The following CNTNAP2 variants were observed in gnomAD, a reference collection of about 807,000 sequenced individuals.
CNTNAP2 encodes contactin-associated protein-like 2.
CNTNAP2 carries 98 observed loss-of-function variants against 155.2 expected under a neutral mutation model. The ratio of observed to expected loss-of-function variants is 0.63; its 90% CI spans 0.54 to 0.75. The LOEUF is 0.75. CNTNAP2 is among the 30% of genes least tolerant of loss of function. The probability of loss-of-function intolerance (pLI) is 0.00; values close to 1 mark genes in which losing one functional copy is unlikely to be tolerated. For missense variants in CNTNAP2, 1,727 were observed against 1,688.1 expected (o/e 1.02, Z -0.40); for synonymous variants, 651 against 631.2 (o/e 1.03, Z -0.47).
intron 1 of CNTNAP2, among the ~76,000 whole-genome samples, chr7:146,554,693 C>T (rs802016): frequency 0.03 from 4,605 of 152,266 alleles, 255 homozygotes; most frequent in African/African-American, 0.1. Flanking sequence ...ACAGGCTGGC[C>T]GTGCTACCAG....
intron 13 of CNTNAP2, among the ~76,000 whole-genome samples, chr7:147,652,777 G>A (rs1795467013): frequency 6.6e-6 from 1 of 152,078 alleles, no homozygotes; most frequent in Non-Finnish European, 1.5e-5. Context: ...AAGGAAGAAA[G>A]AGAATGAGGC....
Position 147,265,100 on chromosome 7 carries a change from G to A in CNTNAP2, c.1349-35041G>A, listed in dbSNP as rs1385362410. 2.6e-5 allele frequency among the ~76,000 whole-genome samples: 4 copies of A among 152,182 alleles called. 1 individual carries two copies. In the East Asian group the frequency reaches 7.7e-4, roughly 29 times the overall value. ...TACTTCAGAAGGACTCCCAGGTAAG[G>A]GAGGAGTGAGAGTTAAATTCTAGCT... On this transcript the variant is annotated intron_variant, in intron 8 of 23. Transcript: ENST00000361727.
chr7:147,149,160 T>C (rs903853494), intron 8 of CNTNAP2, among the ~76,000 whole-genome samples: 4 of 152,198 alleles, frequency 2.6e-5, no homozygotes, highest in African/African-American at 9.6e-5. Context: ...AGAGTGCTGA[T>C]TGGCCCATTT....
chr7:147,360,766 C>T (rs961057970), intron 9 of CNTNAP2, among the ~76,000 whole-genome samples: 1 of 152,056 alleles, frequency 6.6e-6, no homozygotes. Context: ...GAATTCTCAC[C>T]AGCCATTTCG....
intron 15 of CNTNAP2, among the ~76,000 whole-genome samples, chr7:147,994,019 TACACACACAC>T (rs749545119): frequency 6.6e-6 from 1 of 151,500 alleles, no homozygotes; most frequent in Non-Finnish European, 1.5e-5. Context: ...CAATTACACA[TACACACACAC>T]ACACATGCAG....
chr7:148,091,028 T>C (rs61254394), intron 15 of CNTNAP2, among the ~76,000 whole-genome samples: 20,427 of 151,982 alleles, frequency 0.13, 2,351 homozygotes, highest in African/African-American at 0.31. Context: ...GTTGAAGTAA[T>C]TGGAACAAAG....
chr7:146,778,148 A>G (rs1389948439), intron 2 of CNTNAP2, among the ~76,000 whole-genome samples: 4 of 152,222 alleles, frequency 2.6e-5, no homozygotes, highest in African/African-American at 9.6e-5. Context: ...GCAGAAAAGA[A>G]CAAATTCAGT....
chr7:147,787,379 A>C (rs1249088784), intron 13 of CNTNAP2, among the ~76,000 whole-genome samples: 2 of 152,232 alleles, frequency 1.3e-5, no homozygotes, highest in Non-Finnish European at 2.9e-5. Flanking sequence ...TGTAGACCCA[A>C]TTTTGTAAAT....
chr7:147,586,523 G>GAGGGAGGAAGGAAGGA (rs1563009692), intron 12 of CNTNAP2, among the ~76,000 whole-genome samples: 1 of 42,008 alleles, frequency 2.4e-5, no homozygotes, highest in Non-Finnish European at 4.1e-5. Context: ...AGAGAGAGAA[G>GAGGGAGGAAGGAAGGA]AGGAAGGAAG....
In CNTNAP2 at chr7:147,685,100, A is replaced by T. The variant is rs1011332264; in HGVS notation, c.2098+45794A>T. Reference sequence around the variant, plus strand: ...TCTATTTTCTCTTGCATAAAACCTCAGTGTTTAAAGCTATAAAAGCAAACA... The same window carrying T: ...TCTATTTTCTCTTGCATAAAACCTCTGTGTTTAAAGCTATAAAAGCAAACA... On this transcript the variant is annotated intron_variant, in intron 13 of 23. Coordinates refer to ENST00000361727, the MANE Select transcript of CNTNAP2 (RefSeq NM_014141.6). 4.6e-5 allele frequency among the ~76,000 whole-genome samples: 7 copies of T among 152,000 alleles called. 1 individual carries two copies. Among genetic ancestry groups the T allele is most frequent in the Non-Finnish European group, 1.0e-4 (7 of 67,942 alleles).
intron 8 of CNTNAP2, among the ~76,000 whole-genome samples, chr7:147,211,547 A>G (rs1803146236): frequency 6.6e-6 from 1 of 152,090 alleles, no homozygotes; most frequent in South Asian, 2.1e-4. Context: ...CAAGTCACCA[A>G]AAAATTAGGA....
intron 8 of CNTNAP2, among the ~76,000 whole-genome samples, chr7:147,252,189 T>C (rs985124667): frequency 1.3e-5 from 2 of 152,090 alleles, no homozygotes; most frequent in African/African-American, 4.8e-5. Flanking sequence ...TGGGGAGAGG[T>C]CATACAATGA....
chr7:146,545,958 TA>T (rs1278501177), intron 1 of CNTNAP2, among the ~76,000 whole-genome samples: 1 of 151,948 alleles, frequency 6.6e-6, no homozygotes, highest in African/African-American at 2.4e-5. Flanking sequence ...AAATAGATTT[TA>T]AAAATGAAAA....
chr7:148,039,181 C>A (rs1802624864), intron 15 of CNTNAP2, among the ~76,000 whole-genome samples: 1 of 152,156 alleles, frequency 6.6e-6, no homozygotes, highest in African/African-American at 2.4e-5. Flanking sequence ...TGGTGTAACT[C>A]TTAGTCTGAG....
At chr7:147,987,717 C>G (rs1187736439) in intron 15 of CNTNAP2, among the ~76,000 whole-genome samples, 1 of 152,034 alleles carries the variant, frequency 6.6e-6, no homozygotes, top group Admixed American at 6.6e-5. Flanking sequence ...TTTTTTGAGA[C>G]AGAGTCTTGC....
chr7:147,515,329 G>T (rs10952691), intron 11 of CNTNAP2, among the ~76,000 whole-genome samples: 79,495 of 128,764 alleles, frequency 0.62, 26,006 homozygotes, highest in South Asian at 0.76. Context: ...TTCTTTTTTT[G>T]TTTGTTTGTT....
Position 146,956,301 on chromosome 7 carries a change from C to T in CNTNAP2, c.403-87606C>T, listed in dbSNP as rs142542991. On this transcript the variant is annotated intron_variant, in intron 3 of 23. Coordinates refer to ENST00000361727, the MANE Select transcript of CNTNAP2 (RefSeq NM_014141.6). ...TGACCGTGGTAATATCAAATGGTTG[C>T]GTAAGTATCTACAAGGCCCTTTTTC... Among the ~76,000 whole-genome samples, 12 of 152,196 alleles carry T rather than the reference C, an allele frequency of 7.9e-5. No individual in the cohort carries two copies. In the East Asian group the frequency reaches 1.5e-3, roughly 20 times the overall value.
At chr7:146,823,617 A>T (rs1471957708) in intron 2 of CNTNAP2, among the ~76,000 whole-genome samples, 1 of 151,402 alleles carries the variant, frequency 6.6e-6, no homozygotes, top group Non-Finnish European at 1.5e-5. Flanking sequence ...CTCATTCTTC[A>T]GTATATTTAC....
At position 146,775,617 on chromosome 7, in the gene CNTNAP2, A is replaced by C. The variant is rs373140823; in HGVS notation, c.208+1236A>C. On this transcript the variant is annotated intron_variant, in intron 2 of 23. Coordinates refer to ENST00000361727, the MANE Select transcript of CNTNAP2 (RefSeq NM_014141.6). ...GAGGAAGGAAGAAAGGAAGGAAGGA[A>C]GGAAGGAAACAAAGATGAAAAAAGA... Among the ~76,000 whole-genome samples, 82 of 151,878 alleles carry C rather than the reference A, an allele frequency of 5.4e-4. 1 individual carries two copies. The highest frequency in any genetic ancestry group is 1.9e-3 in the African/African-American group (77 of 41,472).
Sources: gnomAD v4.1 joint callset for allele counts (sites outside exome capture counted in the v4.1 genomes callset) on GRCh38, gnomAD v4.1.1 for gene constraint, MANE v1.5 for transcripts, NCBI Gene and HGNC (gene_info 2026-07-23, HGNC 2026-07-21) for gene names.